Variants in TASP1 observed in about 807,000 individuals in gnomAD.
The protein encoded by TASP1 is threonine aspartase 1.
TASP1 carries 16 observed loss-of-function variants against 56.6 expected under a neutral mutation model. That is an observed-to-expected ratio of 0.28 (90% CI 0.19 to 0.43). The LOEUF is 0.43. Among genes scored for constraint, TASP1 ranks in the 20% least tolerant of loss-of-function variants. The pLI is 1.00. For missense variants in TASP1, 393 were observed against 511.6 expected (o/e 0.77, Z 2.24); for synonymous variants, 179 against 184.2 (o/e 0.97, Z 0.23).
At chr20:13,392,591 A>T in intron 13 of TASP1, 1 of 355,316 alleles carries the variant, frequency 2.8e-6, no homozygotes, top group South Asian at 2.4e-5. Flanking sequence ...GGCTATGTTT[A>T]TGTAAACATG....
chr20:13,363,923 C>A, the TASP1 span, among the ~76,000 whole-genome samples: 1 of 152,068 alleles, frequency 6.6e-6, no homozygotes, highest in Non-Finnish European at 1.5e-5. Context: ...ATGTCTCCAG[C>A]CCATCAGAAT....
At chr20:13,424,979 T>C (rs1459619172) in intron 12 of TASP1, among the ~76,000 whole-genome samples, 3 of 152,152 alleles carry the variant, frequency 2.0e-5, no homozygotes, top group Admixed American at 6.5e-5. Context: ...TGTTCCAACA[T>C]TGGAGAATGG....
chr20:13,448,149 T>C (rs1316565777), intron 11 of TASP1, among the ~76,000 whole-genome samples: 1 of 152,158 alleles, frequency 6.6e-6, no homozygotes, highest in Non-Finnish European at 1.5e-5. Context: ...TTAATTTTGG[T>C]ATAAAGACTA....
chr20:13,479,444 T>C (rs1414070810), intron 11 of TASP1, among the ~76,000 whole-genome samples: 1 of 151,742 alleles, frequency 6.6e-6, no homozygotes, highest in Non-Finnish European at 1.5e-5. Flanking sequence ...TTTCATTTAA[T>C]GGCTAATTTG....
At chr20:13,395,328 A>G (rs1237878707) in intron 13 of TASP1, among the ~76,000 whole-genome samples, 1 of 152,246 alleles carries the variant, frequency 6.6e-6, no homozygotes, top group African/African-American at 2.4e-5. Flanking sequence ...GCCTCCTGAG[A>G]CAAGTGTGTT....
chr20:13,110,527 C>T, the TASP1 span, among the ~76,000 whole-genome samples: 2 of 152,274 alleles, frequency 1.3e-5, no homozygotes, highest in South Asian at 2.1e-4. Context: ...GTTTCAAAGG[C>T]GTTTCGCAGC....
At chr20:13,315,998 T>C in the TASP1 span, among the ~76,000 whole-genome samples, 1 of 151,946 alleles carries the variant, frequency 6.6e-6, no homozygotes, top group East Asian at 1.9e-4. Context: ...GCAAAAGTAG[T>C]GCTTAAAGGG....
the TASP1 span, among the ~76,000 whole-genome samples, chr20:13,248,353 G>C: frequency 0.16 from 23,682 of 152,106 alleles, 1,908 homozygotes; most frequent in East Asian, 0.24. Flanking sequence ...GAAGAACCAT[G>C]TCACTGGAAA....
chr20:13,424,563 G>A (rs1029875587), intron 12 of TASP1, among the ~76,000 whole-genome samples: 1 of 151,846 alleles, frequency 6.6e-6, no homozygotes, highest in Non-Finnish European at 1.5e-5. Context: ...GGGTAAATGA[G>A]TGGCCTGAAG....
the TASP1 span, among the ~76,000 whole-genome samples, chr20:13,295,733 C>T: frequency 1.2e-4 from 19 of 152,230 alleles, no homozygotes; most frequent in African/African-American, 4.1e-4. Flanking sequence ...CAGGCTCAGC[C>T]ATGCTGACTG....
the TASP1 span, among the ~76,000 whole-genome samples, chr20:13,365,913 T>C: frequency 6.6e-6 from 1 of 152,056 alleles, no homozygotes; most frequent in Non-Finnish European, 1.5e-5. Context: ...CAACACAAGA[T>C]GATAGCTTGA....
chr20:13,536,084 C>T (rs532357413), intron 8 of TASP1, among the ~76,000 whole-genome samples: 1 of 152,064 alleles, frequency 6.6e-6, no homozygotes, highest in Admixed American at 6.5e-5. Flanking sequence ...AGTGTTAGTT[C>T]CCCAGATGCC....
At chr20:13,366,987 C>T in the TASP1 span, among the ~76,000 whole-genome samples, 1 of 152,198 alleles carries the variant, frequency 6.6e-6, no homozygotes, top group African/African-American at 2.4e-5. Flanking sequence ...CACCATTCAG[C>T]TCTTGCTAAG....
At chr20:13,235,465 T>A in the TASP1 span, among the ~76,000 whole-genome samples, 1,532 of 152,210 alleles carry the variant, frequency 0.01, 10 homozygotes, top group Non-Finnish European at 0.016. Context: ...TAAAATGGGA[T>A]AAGAATAGTT....
At chr20:13,234,654 GT>G in the TASP1 span, among the ~76,000 whole-genome samples, 1 of 152,164 alleles carries the variant, frequency 6.6e-6, no homozygotes, top group East Asian at 1.9e-4. Flanking sequence ...ATTCTGACTT[GT>G]GTAAAATGGT....
At chr20:13,593,723 C>T (rs866245269) in intron 4 of TASP1, among the ~76,000 whole-genome samples, 3 of 152,166 alleles carry the variant, frequency 2.0e-5, no homozygotes, top group Non-Finnish European at 4.4e-5. Flanking sequence ...TGGAGCCCAC[C>T]GCAGCTCAGC....
rs71334135 is a variant in TASP1 at position 13,588,250 on chromosome 20, A to AAAGGAAGGAAGGAAGGAAGG, written c.283-900_283-881dup. Among the ~76,000 whole-genome samples the AAAGGAAGGAAGGAAGGAAGG allele has an allele frequency of 5.4e-4, 52 of 96,668 alleles. 1 individual carries two copies. The highest frequency in any genetic ancestry group is 8.0e-4 in the South Asian group (2 of 2,512). The allele number at this position is 96,668 out of a possible 152,430, so 63.4% of individuals were successfully genotyped here. A position where few individuals can be genotyped will look rare whatever the true frequency, so the allele number is the denominator to read the frequency against. On this transcript the variant is annotated intron_variant, in intron 4 of 13. Coordinates refer to ENST00000337743, the MANE Select transcript of TASP1 (RefSeq NM_017714.3). ...AAAAAGGAGAAAGAAAGAAAGGAAGAAAGGAAGGAAGGAAGGAAGGAAGGA... is the reference window on the plus strand; with the variant it reads ...AAAAAGGAGAAAGAAAGAAAGGAAGAAAGGAAGGAAGGAAGGAAGGAAGGAAGGAAGGAAGGAAGGAAGGA...
intron 5 of TASP1, among the ~76,000 whole-genome samples, chr20:13,581,443 AAATT>A (rs1730046689): frequency 6.6e-6 from 1 of 152,196 alleles, no homozygotes; most frequent in Non-Finnish European, 1.5e-5. Flanking sequence ...TTGGAGAGAA[AAATT>A]AATGGGGGAA....
chr20:13,128,106 G>A, the TASP1 span, among the ~76,000 whole-genome samples: 1 of 152,188 alleles, frequency 6.6e-6, no homozygotes, highest in East Asian at 1.9e-4. Flanking sequence ...TGAGAAGTAG[G>A]CAAATTAATC....
Sources: gnomAD v4.1 joint callset for allele counts (sites outside exome capture counted in the v4.1 genomes callset) on GRCh38, gnomAD v4.1.1 for gene constraint, MANE v1.5 for transcripts, NCBI Gene and HGNC (gene_info 2026-07-23, HGNC 2026-07-21) for gene names.